The following ATP11A variants were observed in gnomAD, a reference collection of about 807,000 sequenced individuals.
The protein encoded by ATP11A is phospholipid-transporting ATPase IH.
In ATP11A, 81 loss-of-function variants were observed where a neutral mutation model predicts 154.4. The observed-to-expected ratio is 0.52, with a 90% CI of 0.44 to 0.63. The LOEUF (loss-of-function observed/expected upper bound fraction) is 0.63, where lower values mean the gene tolerates loss of function less well. ATP11A is among the 30% of genes least tolerant of loss of function. ATP11A has a pLI of 0.00. For synonymous variants in ATP11A, 623 were observed against 585.9 expected (o/e 1.06, Z -0.91); for missense variants, 1,316 against 1,474.3 (o/e 0.89, Z 1.76).
intron 1 of ATP11A, among the ~76,000 whole-genome samples, chr13:112,765,143 G>GCCGCCCCCCC (rs2077043451): frequency 1.8e-5 from 1 of 54,774 alleles, no homozygotes; most frequent in Non-Finnish European, 3.0e-5. Flanking sequence ...TGGCTGGCTT[G>GCCGCCCCCCC]CCCCCCCTCC....
intron 1 of ATP11A, among the ~76,000 whole-genome samples, chr13:112,701,199 C>T (rs1886482244): frequency 6.6e-6 from 1 of 152,206 alleles, no homozygotes; most frequent in South Asian, 2.1e-4. Flanking sequence ...CCTGCAACAG[C>T]GACCCATCCC....
chr13:112,835,498 C>G (rs1472315155), intron 15 of ATP11A, among the ~76,000 whole-genome samples: 2 of 152,258 alleles, frequency 1.3e-5, no homozygotes. Flanking sequence ...GGCCGCAACT[C>G]ACTGCCGTTG....
At chr13:112,759,513 G>C (rs114195761) in intron 1 of ATP11A, among the ~76,000 whole-genome samples, 2 of 152,196 alleles carry the variant, frequency 1.3e-5, no homozygotes, top group Non-Finnish European at 2.9e-5. Flanking sequence ...CAGCTGTGAC[G>C]ATGACTTTTC....
At position 112,824,206 on chromosome 13, in the gene ATP11A, C is replaced by T. The variant is rs901317382; in HGVS notation, c.791-138C>T. 3 of 672,054 alleles carry T rather than the reference C, an allele frequency of 4.5e-6. No homozygotes were observed. The East Asian group carries it at 8.0e-5, about 18-fold the overall frequency. 41.6% of individuals were successfully genotyped at this position (672,054 alleles called of 1,614,324 possible). A position where few individuals can be genotyped will look rare whatever the true frequency, so the allele number is the denominator to read the frequency against. On this transcript the variant is annotated intron_variant, in intron 9 of 29. Transcript: ENST00000375645. ...GGAATCAAGTGCTAGTGTTATGTGGCTATGGACACTAGCTTATGAAATTAA... is the reference window on the plus strand; with the variant it reads ...GGAATCAAGTGCTAGTGTTATGTGGTTATGGACACTAGCTTATGAAATTAA...
chr13:112,694,556 C>T (rs1400155868), intron 1 of ATP11A, among the ~76,000 whole-genome samples: 1 of 152,200 alleles, frequency 6.6e-6, no homozygotes, highest in Non-Finnish European at 1.5e-5. Flanking sequence ...CCGGCGTGGG[C>T]AGGATGCTTC....
chr13:112,738,634 G>A (rs913181903), intron 1 of ATP11A, among the ~76,000 whole-genome samples: 2 of 152,176 alleles, frequency 1.3e-5, no homozygotes, highest in Admixed American at 1.3e-4. Flanking sequence ...GGAGCTTTCT[G>A]TGCTGGCCCA....
rs879914091 is a variant in ATP11A at position 112,870,515 on chromosome 13, A to T, written c.2992-1220A>T. Among the ~76,000 whole-genome samples the T allele has an allele frequency of 3.3e-5, 5 of 152,248 alleles. No individual in the cohort carries two copies. In the South Asian group the frequency reaches 8.3e-4, roughly 25 times the overall value. On this transcript the variant is annotated intron_variant, in intron 25 of 29. Transcript: ENST00000375645. ...TGCCTCAGCCTCCCTAGTGGCTGAG[A>T]TTACAGGCAGGCGCCGCTACGCCCG...
intron 8 of ATP11A, 56 bp from the exon 9 acceptor site, chr13:112,823,289 C>T (rs368991136): frequency 1.8e-5 from 26 of 1,419,200 alleles, no homozygotes; most frequent in Admixed American, 1.4e-4. Context: ...TCTTGCCCCC[C>T]GCCCTGCCCA....
At chr13:112,877,834 A>C (rs963123002) in intron 28 of ATP11A, among the ~76,000 whole-genome samples, 2 of 152,094 alleles carry the variant, frequency 1.3e-5, no homozygotes, top group African/African-American at 4.8e-5. Context: ...CTGCTCTGCA[A>C]CTCATCTCCA....
At chr13:112,820,235 T>C (rs1335148755) in intron 8 of ATP11A, among the ~76,000 whole-genome samples, 1 of 152,208 alleles carries the variant, frequency 6.6e-6, no homozygotes, top group East Asian at 1.9e-4. Flanking sequence ...TGGAGCAGTT[T>C]CAAAGTGAAG....
chr13:112,752,967 A>G (rs1020135496), intron 1 of ATP11A, among the ~76,000 whole-genome samples: 1 of 152,192 alleles, frequency 6.6e-6, no homozygotes, highest in Non-Finnish European at 1.5e-5. Flanking sequence ...CATATGCTAC[A>G]TGGTCTACAC....
At chr13:112,760,853 C>T (rs2076945971) in intron 1 of ATP11A, among the ~76,000 whole-genome samples, 1 of 152,236 alleles carries the variant, frequency 6.6e-6, no homozygotes, top group African/African-American at 2.4e-5. Flanking sequence ...CTCATTCCTT[C>T]AGTCCACAGG....
chr13:112,758,277 G>T (rs903255143), intron 1 of ATP11A, among the ~76,000 whole-genome samples: 3 of 151,790 alleles, frequency 2.0e-5, no homozygotes, highest in Non-Finnish European at 4.4e-5. Flanking sequence ...GGCCAGGCTG[G>T]TCTCGAACTC....
intron 1 of ATP11A, among the ~76,000 whole-genome samples, chr13:112,718,460 C>T (rs1030766186): frequency 8.5e-5 from 13 of 152,264 alleles, no homozygotes; most frequent in South Asian, 2.1e-4. Context: ...TGCCGCCTGC[C>T]GCAAGTTTCA....
chr13:112,761,720 G>A (rs1166836644), intron 1 of ATP11A, among the ~76,000 whole-genome samples: 3 of 151,966 alleles, frequency 2.0e-5, no homozygotes, highest in Admixed American at 6.6e-5. Context: ...GAATCTCCTG[G>A]GGTCTTGGAG....
intron 28 of ATP11A, among the ~76,000 whole-genome samples, chr13:112,877,362 G>C (rs553042362): frequency 5.9e-5 from 9 of 152,252 alleles, no homozygotes; most frequent in Admixed American, 3.9e-4. Flanking sequence ...CTCTAAGCAC[G>C]GTCCTTGGTT....
At chr13:112,770,882 G>A (rs1431140581) in intron 1 of ATP11A, among the ~76,000 whole-genome samples, 2 of 152,186 alleles carry the variant, frequency 1.3e-5, no homozygotes, top group South Asian at 2.1e-4. Context: ...AGCTATACAC[G>A]GACGGCAGAA....
At chr13:112,853,543 A>T (rs1566574257) in intron 18 of ATP11A, among the ~76,000 whole-genome samples, 1 of 152,164 alleles carries the variant, frequency 6.6e-6, no homozygotes, top group Non-Finnish European at 1.5e-5. Flanking sequence ...ACATGGTTTG[A>T]CCCCAGATCT....
chr13:112,703,978 C>T (rs543912440), intron 1 of ATP11A, among the ~76,000 whole-genome samples: 1 of 152,346 alleles, frequency 6.6e-6, no homozygotes, highest in African/African-American at 2.4e-5. Flanking sequence ...AGCCCATACT[C>T]TGTTCACCTG....
Sources: allele counts gnomAD v4.1 joint callset (sites outside exome capture counted in the v4.1 genomes callset), GRCh38; gene constraint gnomAD v4.1.1; transcripts MANE v1.5; gene names NCBI Gene and HGNC (gene_info 2026-07-23, HGNC 2026-07-21).